LPP: variants seen among roughly 807,000 people sequenced by gnomAD.
LPP encodes lipoma-preferred partner.
A neutral mutation model predicts 60.4 loss-of-function variants in LPP; 38 were observed. That is an observed-to-expected ratio of 0.63 (90% CI 0.49 to 0.83). The LOEUF is 0.83. LPP is among the 40% of genes least tolerant of loss of function. The pLI is 0.00. For synonymous variants in LPP, 328 were observed against 290.8 expected, an observed-to-expected ratio of 1.13 and a Z score of -1.30; for missense variants, 902 against 783.6, an observed-to-expected ratio of 1.15 and a Z score of -1.80.
intron 2 of LPP, among the ~76,000 whole-genome samples, chr3:188,231,225 G>A (rs956618204): frequency 6.6e-6 from 1 of 152,172 alleles, no homozygotes; most frequent in African/African-American, 2.4e-5. Flanking sequence ...ATGAGCACAA[G>A]GTTATTAATA....
chr3:188,787,950 A>G (rs1277938723), intron 9 of LPP, among the ~76,000 whole-genome samples: 1 of 152,182 alleles, frequency 6.6e-6, no homozygotes, highest in South Asian at 2.1e-4. Flanking sequence ...TAGGCCCACA[A>G]ATGCAACAGT....
In LPP at chr3:188,881,903, G is replaced by C. The variant is rs1578127573; in HGVS notation, c.*7424G>C. On this transcript the variant is annotated 3_prime_UTR_variant, in exon 12 of 12. Coordinates refer to ENST00000617246, the MANE Select transcript of LPP (RefSeq NM_001375462.1). ...TGATTTCGAGATTCATTCATTCTGT[G>C]CTCAAATATTTGTACCTAGAGACGT... is the stretch of plus-strand genomic sequence containing the variant. 4.6e-6 allele frequency: 1 copy of C among 217,100 alleles called. No individual in the cohort carries two copies. The highest frequency in any genetic ancestry group is 9.3e-6 in the Non-Finnish European group (1 of 107,982). 13.4% of individuals were successfully genotyped at this position (217,100 alleles called of 1,614,324 possible). A position where few individuals can be genotyped will look rare whatever the true frequency, so the allele number is the denominator to read the frequency against.
intron 7 of LPP, among the ~76,000 whole-genome samples, chr3:188,669,013 T>A (rs886235404): frequency 6.6e-6 from 1 of 152,138 alleles, no homozygotes; most frequent in African/African-American, 2.4e-5. Context: ...AGGAGACCTG[T>A]CAAAGACAAG....
At chr3:188,453,730 G>A (rs1383355274) in intron 4 of LPP, among the ~76,000 whole-genome samples, 1 of 151,936 alleles carries the variant, frequency 6.6e-6, no homozygotes, top group African/African-American at 2.4e-5. Flanking sequence ...TCCCTATTAA[G>A]TCTCCCCTGA....
At chr3:188,279,337 C>G (rs2149891739) in intron 2 of LPP, among the ~76,000 whole-genome samples, 1 of 152,358 alleles carries the variant, frequency 6.6e-6, no homozygotes, top group South Asian at 2.1e-4. Flanking sequence ...CAAAGGTAAC[C>G]TCTCAAGTCC....
intron 9 of LPP, among the ~76,000 whole-genome samples, chr3:188,795,687 C>G (rs1745119011): frequency 1.3e-5 from 2 of 151,584 alleles, no homozygotes; most frequent in South Asian, 4.1e-4. Flanking sequence ...CTCTGTCATG[C>G]TTTCATCATC....
intron 9 of LPP, among the ~76,000 whole-genome samples, chr3:188,769,248 A>G (rs1735111474): frequency 1.3e-5 from 2 of 152,210 alleles, no homozygotes; most frequent in Non-Finnish European, 1.5e-5. Context: ...TCTCACTTTA[A>G]TAGACATTCG....
intron 2 of LPP, among the ~76,000 whole-genome samples, chr3:188,290,195 C>T (rs545416888): frequency 1.8e-4 from 27 of 152,168 alleles, no homozygotes; most frequent in Non-Finnish European, 2.9e-4. Context: ...AAGCTGGTCT[C>T]GATCTCCTGA....
intron 2 of LPP, among the ~76,000 whole-genome samples, chr3:188,300,962 C>T (rs1749643053): frequency 6.6e-6 from 1 of 152,094 alleles, no homozygotes; most frequent in Non-Finnish European, 1.5e-5. Flanking sequence ...TAAGATTGAT[C>T]TTTTTTGTCA....
chr3:188,712,103 A>T (rs1332360346), intron 8 of LPP: 1 of 152,298 alleles, frequency 6.6e-6, no homozygotes, highest in Middle Eastern at 3.4e-3. Flanking sequence ...AAGGCTAAGA[A>T]CGTTATTGTC....
At chr3:188,333,727 T>C (rs908836810) in intron 2 of LPP, among the ~76,000 whole-genome samples, 15 of 152,232 alleles carry the variant, frequency 9.9e-5, no homozygotes, top group African/African-American at 3.6e-4. Flanking sequence ...TTACCTTTTT[T>C]GCTTTTATTA....
At chr3:188,208,606 C>T (rs946030145) in intron 1 of LPP, among the ~76,000 whole-genome samples, 5 of 152,206 alleles carry the variant, frequency 3.3e-5, no homozygotes, top group Non-Finnish European at 7.3e-5. Context: ...AGGAAAACAT[C>T]GCAGGCCACG....
At chr3:188,155,859 C>G (rs747515796) in intron 1 of LPP, among the ~76,000 whole-genome samples, 8 of 151,944 alleles carry the variant, frequency 5.3e-5, no homozygotes, top group Non-Finnish European at 5.9e-5. Flanking sequence ...ACTAAAAATA[C>G]AAAAAATTAG....
At chr3:188,458,160 G>T (rs1272396713) in intron 4 of LPP, among the ~76,000 whole-genome samples, 2 of 152,120 alleles carry the variant, frequency 1.3e-5, no homozygotes, top group Non-Finnish European at 2.9e-5. Context: ...TATTAGTTTT[G>T]CATCCACTAG....
At chr3:188,702,815 A>G (rs1251018851) in intron 7 of LPP, among the ~76,000 whole-genome samples, 1 of 152,214 alleles carries the variant, frequency 6.6e-6, no homozygotes, top group Non-Finnish European at 1.5e-5. Flanking sequence ...CTCTGATAAA[A>G]GAAATCTTTG....
chr3:188,264,669 G>A (rs1356777877), intron 2 of LPP, among the ~76,000 whole-genome samples: 1 of 152,062 alleles, frequency 6.6e-6, no homozygotes, highest in Non-Finnish European at 1.5e-5. Flanking sequence ...CAGAGGGTGA[G>A]GGCCTGCCAA....
chr3:188,340,304 C>A (rs1762701284), intron 2 of LPP, among the ~76,000 whole-genome samples: 1 of 151,370 alleles, frequency 6.6e-6, no homozygotes, highest in Non-Finnish European at 1.5e-5. Context: ...ATTTTTCAAG[C>A]TATAAAATAA....
At chr3:188,407,788 G>GTTTTTTTTTTTTTTTTTTTTTT (rs869082030) in intron 4 of LPP, among the ~76,000 whole-genome samples, 8 of 107,594 alleles carry the variant, frequency 7.4e-5, no homozygotes, top group African/African-American at 2.4e-4. Context: ...TTGTTTGTTT[G>GTTTTTTTTTTTTTTTTTTTTTT]TTTTTTTTTT....
intron 4 of LPP, among the ~76,000 whole-genome samples, chr3:188,421,174 C>G (rs936274240): frequency 2.0e-5 from 3 of 152,106 alleles, no homozygotes; most frequent in African/African-American, 7.2e-5. Context: ...CTTTCTGTTC[C>G]TTAGCATGTA....
Sources: gnomAD v4.1 joint callset for allele counts (sites outside exome capture counted in the v4.1 genomes callset) on GRCh38, gnomAD v4.1.1 for gene constraint, MANE v1.5 for transcripts, NCBI Gene and HGNC (gene_info 2026-07-23, HGNC 2026-07-21) for gene names.